DEPDC5: variants seen among roughly 807,000 people sequenced by gnomAD.
The protein encoded by DEPDC5 is GATOR1 complex protein DEPDC5.
DEPDC5 carries 73 observed loss-of-function variants against 217.3 expected under a neutral mutation model. The ratio of observed to expected loss-of-function variants is 0.34; its 90% CI spans 0.28 to 0.41. The LOEUF is 0.41. DEPDC5 is among the 10% of genes least tolerant of loss of function. The pLI is 1.00. For synonymous variants in DEPDC5, 733 were observed against 756.7 expected, an observed-to-expected ratio of 0.97 and a Z score of 0.51; for missense variants, 1,675 against 2,070.1, an observed-to-expected ratio of 0.81 and a Z score of 3.70.
At chr22:31,857,927 A>C (rs2092366508) in intron 32 of DEPDC5, 1 of 160,674 alleles carries the variant, frequency 6.2e-6, no homozygotes, top group Non-Finnish European at 1.4e-5. Context: ...GGTGGTGTGT[A>C]CCTGTAGTCT....
intron 28 of DEPDC5, 55 bp from the exon 29 acceptor site, chr22:31,843,590 G>C (rs1397275586): frequency 1.3e-6 from 2 of 1,555,502 alleles, no homozygotes; most frequent in Non-Finnish European, 1.8e-6. Flanking sequence ...ATAAGAATTG[G>C]CAGGAATTTG....
chr22:31,805,638 T>G (rs570648523), intron 17 of DEPDC5, among the ~76,000 whole-genome samples: 4 of 152,084 alleles, frequency 2.6e-5, no homozygotes, highest in African/African-American at 9.7e-5. Context: ...GTAGTTGGGA[T>G]TACAGGTGCC....
chr22:31,874,034 C>T, intron 35 of DEPDC5: 2 of 429,888 alleles, frequency 4.7e-6, no homozygotes, highest in Non-Finnish European at 8.1e-6. Context: ...CTCAGGTAAT[C>T]CACCCGCCTC....
rs2093768618 is a variant in DEPDC5, at chr22:31,906,981, A to G, written c.*484A>G. 6.0e-6 allele frequency: 1 copy of G among 166,392 alleles called. No homozygotes were observed. Among genetic ancestry groups the G allele is most frequent in the Non-Finnish European group, 1.3e-5 (1 of 76,048 alleles). The allele number at this position is 166,392 out of a possible 1,614,324, so 10.3% of individuals were successfully genotyped here. A position where few individuals can be genotyped will look rare whatever the true frequency, so the allele number is the denominator to read the frequency against. ...TCTCACCAACTGTATATACCTGTAC[A>G]TATCAGAAGCAAATAAAGAGCTCCA... is the stretch of plus-strand genomic sequence containing the variant. On this transcript the variant is annotated 3_prime_UTR_variant, in exon 43 of 43. Transcript: ENST00000651528. The surrounding 1 kb of genome is among the most constrained non-coding windows in gnomAD (Gnocchi z 5.1).
chr22:31,874,225 A>T (rs750738957), intron 35 of DEPDC5, 48 bp from the exon 36 acceptor site: 3 of 1,583,110 alleles, frequency 1.9e-6, no homozygotes, highest in Non-Finnish European at 2.6e-6. Context: ...ACTTGTTGCC[A>T]TGGGGCACAC....
intron 22 of DEPDC5, among the ~76,000 whole-genome samples, chr22:31,820,460 G>A (rs1053204076): frequency 1.3e-5 from 2 of 152,018 alleles, no homozygotes; most frequent in Non-Finnish European, 2.9e-5. Flanking sequence ...TGAATACCTG[G>A]AAATGCCTAT....
intron 27 of DEPDC5, among the ~76,000 whole-genome samples, chr22:31,842,185 G>C (rs112242337): frequency 2.6e-5 from 4 of 152,366 alleles, no homozygotes; most frequent in African/African-American, 9.6e-5. Context: ...TCAGACTGCT[G>C]ATGGGGCCTG....
At chr22:31,885,373 T>C (rs182298825) in intron 38 of DEPDC5, among the ~76,000 whole-genome samples, 115 of 152,336 alleles carry the variant, frequency 7.5e-4, no homozygotes, top group African/African-American at 2.7e-3. Context: ...CCTGGGGCAC[T>C]GTTCCCCAAA....
chr22:31,779,691 C>T (rs200093741), intron 8 of DEPDC5, among the ~76,000 whole-genome samples: 2 of 152,188 alleles, frequency 1.3e-5, no homozygotes, highest in African/African-American at 4.8e-5. Flanking sequence ...AAATCACCGG[C>T]TCTAATGGCC....
chr22:31,797,538 G>A (rs2086383748), intron 12 of DEPDC5, 62 bp from the exon 13 acceptor site: 5 of 1,366,500 alleles, frequency 3.7e-6, no homozygotes, highest in Non-Finnish European at 4.2e-6. Context: ...AATTTGGGAG[G>A]GGACACAGAG....
intron 24 of DEPDC5, among the ~76,000 whole-genome samples, chr22:31,832,397 C>T (rs866651650): frequency 1.3e-5 from 2 of 152,198 alleles, no homozygotes; most frequent in Middle Eastern, 3.5e-3. Flanking sequence ...TCCTGTTGTT[C>T]CATATCCTTG....
At chr22:31,887,976 T>C (rs1385099136) in intron 38 of DEPDC5, among the ~76,000 whole-genome samples, 3 of 152,196 alleles carry the variant, frequency 2.0e-5, no homozygotes, top group African/African-American at 7.2e-5. Context: ...TTGTCCCTTT[T>C]TTTGTTTTTT....
chr22:31,764,772 G>T (rs1257761148), intron 4 of DEPDC5, among the ~76,000 whole-genome samples: 2 of 151,762 alleles, frequency 1.3e-5, no homozygotes, highest in African/African-American at 2.4e-5. Flanking sequence ...CTCCATTTTT[G>T]TTGATTGCTT....
intron 38 of DEPDC5, among the ~76,000 whole-genome samples, chr22:31,882,212 G>A (rs2093195354): frequency 6.6e-6 from 1 of 152,114 alleles, no homozygotes; most frequent in South Asian, 2.1e-4. Flanking sequence ...TAGTAGCCAA[G>A]TTTTAAAGTC....
At chr22:31,877,803 C>G (rs896562472) in intron 37 of DEPDC5, among the ~76,000 whole-genome samples, 2 of 148,774 alleles carry the variant, frequency 1.3e-5, no homozygotes, top group Middle Eastern at 3.3e-3. Flanking sequence ...AGACCAGCAT[C>G]TCCAGTACAC....
chr22:31,786,782 T>C (rs906301492), intron 10 of DEPDC5, among the ~76,000 whole-genome samples: 1 of 152,044 alleles, frequency 6.6e-6, no homozygotes, highest in Non-Finnish European at 1.5e-5. Flanking sequence ...AATTTTTGTT[T>C]TTATTTTTGT....
chr22:31,833,005 A>G (rs1440819849), intron 24 of DEPDC5, among the ~76,000 whole-genome samples: 4 of 152,222 alleles, frequency 2.6e-5, no homozygotes, highest in Non-Finnish European at 5.9e-5. Flanking sequence ...TTCTTCTCAG[A>G]GTTAGCCACC....
At chr22:31,813,468 G>A (rs1363873244) in intron 20 of DEPDC5, among the ~76,000 whole-genome samples, 2 of 152,060 alleles carry the variant, frequency 1.3e-5, no homozygotes, top group South Asian at 2.1e-4. Context: ...GTCAGCACTT[G>A]GAATCTGTTT....
chr22:31,755,305 G>A (rs779762511), intron 2 of DEPDC5: 1 of 361,436 alleles, frequency 2.8e-6, no homozygotes, highest in Non-Finnish European at 5.1e-6. Context: ...AACTAAAATC[G>A]TTTATCAGTT....
Sources: allele counts gnomAD v4.1 joint callset (sites outside exome capture counted in the v4.1 genomes callset), GRCh38; gene constraint gnomAD v4.1.1; non-coding constraint Gnocchi (gnomAD v3.1); transcripts MANE v1.5; gene names NCBI Gene and HGNC (gene_info 2026-07-23, HGNC 2026-07-21).